PKN2: variants seen among roughly 807,000 people sequenced by gnomAD.
PKN2 encodes the protein serine/threonine-protein kinase N2.
A neutral mutation model predicts 119.1 loss-of-function variants in PKN2; 38 were observed. The observed-to-expected ratio is 0.32, with a 90% CI of 0.25 to 0.42. The LOEUF (loss-of-function observed/expected upper bound fraction) is 0.42, where lower values mean the gene tolerates loss of function less well. PKN2 is among the 10% of genes least tolerant of loss of function. PKN2 has a pLI of 1.00. For missense variants in PKN2, 850 were observed against 1,165.1 expected, an observed-to-expected ratio of 0.73 and a Z score of 3.94; for synonymous variants, 390 against 384.9, an observed-to-expected ratio of 1.01 and a Z score of -0.15.
intron 1 of PKN2, among the ~76,000 whole-genome samples, chr1:88,714,490 T>A (rs1031729152): frequency 6.6e-6 from 1 of 152,178 alleles, no homozygotes; most frequent in Non-Finnish European, 1.5e-5. Flanking sequence ...CTTGAAGAGG[T>A]CCTTCACATC....
chr1:88,803,840 T>G (rs891505114), intron 8 of PKN2, among the ~76,000 whole-genome samples: 2 of 152,180 alleles, frequency 1.3e-5, no homozygotes, highest in African/African-American at 4.8e-5. Context: ...GAATGGGTCT[T>G]GCTACCCAGT....
At position 88,820,225 on chromosome 1, in the gene PKN2, TATATATATAA is replaced by T. The variant is rs1327612599; in HGVS notation, c.2280-1712_2280-1703del. ...ATATATATATATATATATATATATA[TATATATATAA>T]ATAGAAAAAAATAAAAATGCGAGGC... is the stretch of plus-strand genomic sequence containing the variant. On this transcript the variant is annotated intron_variant, in intron 16 of 21. Transcript: ENST00000370521. 1.1e-3 allele frequency among the ~76,000 whole-genome samples: 45 copies of T among 41,358 alleles called. 1 individual carries two copies. Among genetic ancestry groups the T allele is most frequent in the South Asian group, 1.2e-3 (2 of 1,620 alleles). 27.1% of individuals were successfully genotyped at this position (41,358 alleles called of 152,430 possible).
chr1:88,776,564 A>AC (rs1670114051), intron 6 of PKN2, among the ~76,000 whole-genome samples: 1 of 151,504 alleles, frequency 6.6e-6, no homozygotes, highest in Non-Finnish European at 1.5e-5. Context: ...GCATGGTGAA[A>AC]CCCCATCTAT....
intron 16 of PKN2, chr1:88,815,489 T>G (rs1308286450): frequency 3.2e-6 from 1 of 312,446 alleles, no homozygotes; most frequent in Non-Finnish European, 6.0e-6. Context: ...TTTAAAATTT[T>G]TATTGTCTAT....
At chr1:88,779,314 T>C (rs1486624367) in intron 6 of PKN2, among the ~76,000 whole-genome samples, 2 of 152,188 alleles carry the variant, frequency 1.3e-5, no homozygotes, top group African/African-American at 4.8e-5. Context: ...TTTTCCAGAG[T>C]TCTGATAAAC....
intron 1 of PKN2, among the ~76,000 whole-genome samples, chr1:88,739,741 A>G (rs1367096889): frequency 6.6e-6 from 1 of 152,246 alleles, no homozygotes; most frequent in Non-Finnish European, 1.5e-5. Flanking sequence ...TGATATAGAA[A>G]TAGCTAGAAC....
Position 88,740,976 on chromosome 1 carries a change from T to C in PKN2, c.49-12T>C, listed in dbSNP as rs1668555830. 6.5e-7 allele frequency: 1 copy of C among 1,536,836 alleles called. No homozygotes were observed. Among genetic ancestry groups the C allele is most frequent in the Non-Finnish European group, 8.7e-7 (1 of 1,147,668 alleles). The stretch of plus-strand genomic sequence containing the variant: ...CTAAACTCCCACATTTGTATGTTTA[T>C]TTTTTCTGTAGGGGGATTCCCGAAG... On this transcript the variant is annotated splice_polypyrimidine_tract_variant and intron_variant, in intron 1 of 21. Coordinates refer to ENST00000370521, the MANE Select transcript of PKN2 (RefSeq NM_006256.4).
chr1:88,736,365 A>T (rs1013363443), intron 1 of PKN2, among the ~76,000 whole-genome samples: 13 of 147,186 alleles, frequency 8.8e-5, no homozygotes, highest in East Asian at 7.9e-4. Context: ...CTTTCTTAAA[A>T]TTTTTTTTTT....
At chr1:88,688,974 TC>T (rs1666225953) in intron 1 of PKN2, among the ~76,000 whole-genome samples, 1 of 152,230 alleles carries the variant, frequency 6.6e-6, no homozygotes, top group Non-Finnish European at 1.5e-5. Flanking sequence ...AAAAGGGATT[TC>T]TATAGTAGTT....
chr1:88,718,450 T>C (rs1667544188), intron 1 of PKN2, among the ~76,000 whole-genome samples: 1 of 152,210 alleles, frequency 6.6e-6, no homozygotes, highest in African/African-American at 2.4e-5. Context: ...GCAGGCCTCG[T>C]TCAGTAGTTT....
At chr1:88,792,879 T>C (rs1005970085) in intron 8 of PKN2, among the ~76,000 whole-genome samples, 1 of 152,176 alleles carries the variant, frequency 6.6e-6, no homozygotes, top group Non-Finnish European at 1.5e-5. Flanking sequence ...AGTGGTACTT[T>C]GTAAGGGTTC....
At chr1:88,720,156 C>A (rs763763307) in intron 1 of PKN2, among the ~76,000 whole-genome samples, 3 of 152,030 alleles carry the variant, frequency 2.0e-5, no homozygotes, top group Non-Finnish European at 4.4e-5. Context: ...ACCTCAGCCT[C>A]CCGAGTAGCT....
At chr1:88,686,665 G>A (rs1666115206) in intron 1 of PKN2, among the ~76,000 whole-genome samples, 1 of 151,972 alleles carries the variant, frequency 6.6e-6, no homozygotes, top group South Asian at 2.1e-4. Flanking sequence ...ACTTTATCGT[G>A]TTTATTAAAA....
intron 1 of PKN2, among the ~76,000 whole-genome samples, chr1:88,720,966 T>C (rs1284918495): frequency 1.3e-5 from 2 of 152,216 alleles, no homozygotes; most frequent in Admixed American, 6.5e-5. Context: ...TTTTGTTCCT[T>C]TTTATGGCTT....
intron 1 of PKN2, among the ~76,000 whole-genome samples, chr1:88,725,436 C>G (rs998979833): frequency 6.6e-6 from 1 of 152,084 alleles, no homozygotes; most frequent in Non-Finnish European, 1.5e-5. Context: ...ATTTCTTTAG[C>G]CATTTAAATA....
intron 6 of PKN2, among the ~76,000 whole-genome samples, chr1:88,780,279 T>C (rs1387927735): frequency 2.0e-5 from 3 of 151,968 alleles, no homozygotes; most frequent in African/African-American, 4.8e-5. Context: ...AAAGCAATCA[T>C]ATCCTATGTT....
At chr1:88,777,028 G>C (rs1183455156) in intron 6 of PKN2, among the ~76,000 whole-genome samples, 6 of 152,006 alleles carry the variant, frequency 3.9e-5, no homozygotes. Context: ...CTCCCTCTGA[G>C]ACTTTGATTT....
At chr1:88,732,491 G>A (rs1043756380) in intron 1 of PKN2, among the ~76,000 whole-genome samples, 1 of 152,108 alleles carries the variant, frequency 6.6e-6, no homozygotes, top group Non-Finnish European at 1.5e-5. Flanking sequence ...TTCGCTAGCT[G>A]ACTTGAAATT....
rs115678407 is a variant in PKN2, at chr1:88,800,663, C to T, written c.1282-3728C>T. 6.1e-3 allele frequency among the ~76,000 whole-genome samples: 923 copies of T among 152,292 alleles called. 13 individuals are homozygous for T. Among genetic ancestry groups the T allele is most frequent in the African/African-American group, 0.021 (882 of 41,556 alleles). ...CCCCAGGGCTCCTCAGTGAACACTT[C>T]GAGAACCTCAGCATTCTTTGTGCTA... On this transcript the variant is annotated intron_variant, in intron 8 of 21. Transcript: ENST00000370521.
Sources: gnomAD v4.1 joint callset for allele counts (sites outside exome capture counted in the v4.1 genomes callset) on GRCh38, gnomAD v4.1.1 for gene constraint, MANE v1.5 for transcripts, NCBI Gene and HGNC (gene_info 2026-07-23, HGNC 2026-07-21) for gene names.